LSAMP: variants seen among roughly 807,000 people sequenced by gnomAD.
The protein encoded by LSAMP is limbic system associated membrane protein, also known as limbic system-associated membrane protein.
In LSAMP, 7 loss-of-function variants were observed where a neutral mutation model predicts 38.6. The ratio of observed to expected loss-of-function variants is 0.18; its 90% confidence interval spans 0.10 to 0.34. LSAMP has a LOEUF of 0.34. LSAMP is among the 10% of genes least tolerant of loss of function. LSAMP has a pLI of 1.00. For synonymous variants in LSAMP, 154 were observed against 166.8 expected (o/e 0.92, Z 0.59); for missense variants, 313 against 420.0 (o/e 0.75, Z 2.23).
At chr3:116,143,582 T>C (rs557907426) in intron 1 of LSAMP, among the ~76,000 whole-genome samples, 27 of 152,062 alleles carry the variant, frequency 1.8e-4, no homozygotes, top group African/African-American at 6.5e-4. Flanking sequence ...CCCATAAATG[T>C]ATACATCTAC....
intron 2 of LSAMP, among the ~76,000 whole-genome samples, chr3:116,041,862 T>G (rs925889411): frequency 6.6e-6 from 1 of 151,654 alleles, no homozygotes; most frequent in South Asian, 2.1e-4. Context: ...TCATTTTATA[T>G]AGCAGCCAGG....
At chr3:116,112,510 ATCAT>A (rs1303342217) in intron 1 of LSAMP, among the ~76,000 whole-genome samples, 3 of 152,232 alleles carry the variant, frequency 2.0e-5, no homozygotes, top group Non-Finnish European at 2.9e-5. Context: ...CTGAAAAAGA[ATCAT>A]TCATTTAACA....
intron 1 of LSAMP, among the ~76,000 whole-genome samples, chr3:116,421,933 T>C (rs2049133894): frequency 6.6e-6 from 1 of 152,176 alleles, no homozygotes; most frequent in South Asian, 2.1e-4. Flanking sequence ...TCAGTACCTA[T>C]GGAAGAGAAA....
At chr3:116,325,104 AATAATATATATAAC>A (rs1390064968) in intron 1 of LSAMP, among the ~76,000 whole-genome samples, 4 of 149,552 alleles carry the variant, frequency 2.7e-5, no homozygotes, top group Admixed American at 1.3e-4. Flanking sequence ...TCATATATAT[AATAATATATATAAC>A]ATAATATATA....
At chr3:116,221,220 A>G (rs539261723) in intron 1 of LSAMP, among the ~76,000 whole-genome samples, 2 of 152,126 alleles carry the variant, frequency 1.3e-5, no homozygotes, top group African/African-American at 4.8e-5. Context: ...AAAATATACA[A>G]ACTACTTGTT....
At chr3:116,104,146 CAG>C (rs1248234446) in intron 1 of LSAMP, among the ~76,000 whole-genome samples, 2 of 152,192 alleles carry the variant, frequency 1.3e-5, no homozygotes, top group African/African-American at 2.4e-5. Flanking sequence ...GAACACTGGC[CAG>C]AGAGTCCAGT....
At chr3:115,834,502 T>C (rs989588834) in intron 6 of LSAMP, 2 of 1,135,894 alleles carry the variant, frequency 1.8e-6, no homozygotes, top group Non-Finnish European at 2.4e-6. Flanking sequence ...GTGTTTTGCA[T>C]GTTAAAGATG....
chr3:115,961,950 A>T (rs763466336), intron 3 of LSAMP, among the ~76,000 whole-genome samples: 2 of 152,192 alleles, frequency 1.3e-5, no homozygotes, highest in African/African-American at 4.8e-5. Context: ...AGATAGCTGC[A>T]TGGCTTTTGG....
intron 3 of LSAMP, among the ~76,000 whole-genome samples, chr3:115,905,787 A>AG (rs955236262): frequency 6.6e-6 from 1 of 152,098 alleles, no homozygotes; most frequent in African/African-American, 2.4e-5. Flanking sequence ...CCAGCGGAAG[A>AG]GGGGGTCTCA....
chr3:115,912,046 T>G (rs1316327252), intron 3 of LSAMP, among the ~76,000 whole-genome samples: 1 of 152,214 alleles, frequency 6.6e-6, no homozygotes, highest in Admixed American at 6.5e-5. Context: ...TTGAGAGTCC[T>G]TTATACATTC....
At chr3:115,917,874 T>G (rs1937287902) in intron 3 of LSAMP, among the ~76,000 whole-genome samples, 1 of 152,236 alleles carries the variant, frequency 6.6e-6, no homozygotes, top group Non-Finnish European at 1.5e-5. Context: ...CCTCACCAAC[T>G]TCCATAAATA....
intron 3 of LSAMP, among the ~76,000 whole-genome samples, chr3:116,017,014 T>C (rs927466089): frequency 2.0e-5 from 3 of 152,140 alleles, no homozygotes; most frequent in Non-Finnish European, 4.4e-5. Context: ...ACAGCCTTTA[T>C]TCTTGAAGAC....
intron 1 of LSAMP, among the ~76,000 whole-genome samples, chr3:116,292,081 A>T (rs1246605470): frequency 6.6e-6 from 1 of 152,238 alleles, no homozygotes; most frequent in African/African-American, 2.4e-5. Flanking sequence ...CCTGACTTTC[A>T]GAGCAGTGAG....
At chr3:116,390,927 T>G (rs1165098072) in intron 1 of LSAMP, among the ~76,000 whole-genome samples, 1 of 152,046 alleles carries the variant, frequency 6.6e-6, no homozygotes, top group Non-Finnish European at 1.5e-5. Flanking sequence ...CGGGGTTCAC[T>G]CAGAACAGCT....
chr3:116,306,184 G>C (rs2047483348), intron 1 of LSAMP, among the ~76,000 whole-genome samples: 1 of 152,026 alleles, frequency 6.6e-6, no homozygotes, highest in Admixed American at 6.6e-5. Flanking sequence ...GGTGGGATGA[G>C]AGAGTGAAGG....
intron 3 of LSAMP, among the ~76,000 whole-genome samples, chr3:115,905,622 G>C (rs565062448): frequency 9.0e-4 from 137 of 152,096 alleles, no homozygotes; most frequent in African/African-American, 3.2e-3. Context: ...CCAAAAAAAG[G>C]CTTTAAGAAT....
chr3:116,420,891 A>G (rs1054751340), intron 1 of LSAMP, among the ~76,000 whole-genome samples: 9 of 152,296 alleles, frequency 5.9e-5, no homozygotes, highest in African/African-American at 1.9e-4. Flanking sequence ...AAATAAATAT[A>G]TAAATAAATT....
intron 3 of LSAMP, among the ~76,000 whole-genome samples, chr3:115,903,246 C>A (rs1435032148): frequency 6.6e-6 from 1 of 152,038 alleles, no homozygotes. Context: ...AACATAAAAC[C>A]AAATACTGCA....
intron 1 of LSAMP, among the ~76,000 whole-genome samples, chr3:116,157,083 T>G (rs537680681): frequency 1.3e-5 from 2 of 152,230 alleles, no homozygotes; most frequent in Non-Finnish European, 2.9e-5. Flanking sequence ...CTTTGGATTA[T>G]TAGAATCACC....
Sources: gnomAD v4.1 joint callset for allele counts (sites outside exome capture counted in the v4.1 genomes callset) on GRCh38, gnomAD v4.1.1 for gene constraint, MANE v1.5 for transcripts, NCBI Gene and HGNC (gene_info 2026-07-23, HGNC 2026-07-21) for gene names.